Variants in DLGAP1 observed in about 807,000 individuals in gnomAD.
The protein encoded by DLGAP1 is disks large-associated protein 1.
In DLGAP1, 11 loss-of-function variants were observed where a neutral mutation model predicts 90.8. That is an observed-to-expected ratio of 0.12 (90% confidence interval 0.08 to 0.20). The LOEUF is 0.20. Ranked by LOEUF, DLGAP1 falls within the 10% of genes least tolerant of loss-of-function variation. The probability of loss-of-function intolerance (pLI) is 1.00; values close to 1 mark genes in which losing one functional copy is unlikely to be tolerated. For synonymous variants in DLGAP1, 558 were observed against 540.7 expected, an observed-to-expected ratio of 1.03 and a Z score of -0.44; for missense variants, 1,050 against 1,333.8, an observed-to-expected ratio of 0.79 and a Z score of 3.31.
intron 2 of DLGAP1, among the ~76,000 whole-genome samples, chr18:4,069,287 A>C (rs2075412805): frequency 6.6e-6 from 1 of 152,158 alleles, no homozygotes; most frequent in Non-Finnish European, 1.5e-5. Context: ...GAGAGTAAGG[A>C]TGAGAATTGG....
chr18:3,528,195 G>T (rs1287686119), intron 10 of DLGAP1, among the ~76,000 whole-genome samples: 1 of 152,068 alleles, frequency 6.6e-6, no homozygotes, highest in East Asian at 1.9e-4. Context: ...ACATCCCTTG[G>T]CTTGGCCAAG....
At chr18:4,098,063 G>A (rs959956888) in intron 2 of DLGAP1, among the ~76,000 whole-genome samples, 6 of 152,134 alleles carry the variant, frequency 3.9e-5, no homozygotes, top group East Asian at 1.9e-4. Context: ...ACAGGCCCAC[G>A]CCACTATGCC....
intron 1 of DLGAP1, among the ~76,000 whole-genome samples, chr18:4,153,501 G>A (rs959533024): frequency 4.6e-5 from 7 of 152,088 alleles, no homozygotes; most frequent in African/African-American, 1.7e-4. Context: ...CTTACCCCAA[G>A]TGTCCCTCTT....
chr18:4,272,950 G>A (rs2079318694), intron 1 of DLGAP1, among the ~76,000 whole-genome samples: 2 of 152,114 alleles, frequency 1.3e-5, no homozygotes, highest in Non-Finnish European at 2.9e-5. Context: ...ACAAGCCAAG[G>A]CATGAACAGT....
At chr18:4,242,123 C>G (rs2078549138) in intron 1 of DLGAP1, among the ~76,000 whole-genome samples, 1 of 152,084 alleles carries the variant, frequency 6.6e-6, no homozygotes, top group South Asian at 2.1e-4. Flanking sequence ...AAGCCCTCGA[C>G]CTAGTAATGT....
chr18:4,197,434 A>G (rs2077522040), intron 1 of DLGAP1, among the ~76,000 whole-genome samples: 1 of 152,072 alleles, frequency 6.6e-6, no homozygotes, highest in African/African-American at 2.4e-5. Context: ...TGGTAGACAA[A>G]AGAGTTTAGA....
chr18:4,214,505 AC>A (rs1439235641), intron 1 of DLGAP1, among the ~76,000 whole-genome samples: 5 of 152,156 alleles, frequency 3.3e-5, no homozygotes, highest in Admixed American at 6.5e-5. Flanking sequence ...CAAGAAACCC[AC>A]CCTGTTGGAG....
In DLGAP1 at chr18:3,582,298, T is replaced by C. The variant is rs189472671; in HGVS notation, c.1592-50A>G. On this transcript the variant is annotated intron_variant, in intron 7 of 12. Coordinates refer to ENST00000315677, the MANE Select transcript of DLGAP1 (RefSeq NM_004746.4). ...AATGTGATTTCTGCGTGGGTTTTAA[T>C]TTCTGATATTGTAACTGACAGCCAT... The C allele has an allele frequency of 9.7e-4, 1,524 of 1,568,750 alleles. 1 individual carries two copies. The highest frequency in any genetic ancestry group is 1.3e-3 in the Non-Finnish European group (1,467 of 1,159,412).
intron 3 of DLGAP1, among the ~76,000 whole-genome samples, chr18:3,979,414 A>G (rs2073674835): frequency 6.6e-6 from 1 of 151,186 alleles, no homozygotes; most frequent in Admixed American, 6.6e-5. Context: ...ATGTTCACTC[A>G]GTGTTTTCGC....
chr18:4,205,971 CT>C (rs1598618477), intron 1 of DLGAP1, among the ~76,000 whole-genome samples: 1 of 152,108 alleles, frequency 6.6e-6, no homozygotes, highest in African/African-American at 2.4e-5. Context: ...TCACCTGAAA[CT>C]TTAACTATGG....
At chr18:3,690,676 C>T (rs947160797) in intron 7 of DLGAP1, among the ~76,000 whole-genome samples, 10 of 152,176 alleles carry the variant, frequency 6.6e-5, no homozygotes, top group African/African-American at 1.4e-4. Context: ...TTAGTCTTTT[C>T]GCTTCCCTAT....
intron 9 of DLGAP1, among the ~76,000 whole-genome samples, chr18:3,562,252 A>ATATC (rs1418586657): frequency 3.9e-5 from 6 of 151,982 alleles, no homozygotes; most frequent in Non-Finnish European, 1.5e-5. Flanking sequence ...AATAATAATT[A>ATATC]TATCTGTGTG....
At position 4,171,564 on chromosome 18, in the gene DLGAP1, C is replaced by CAA. The variant is rs113484195; in HGVS notation, c.-266-20279_-266-20278dup. ...TGGAAGACAGAGCGAGACTCCATCT[C>CAA]AAAAAAAAAAAAAGAAAAAAAAGAA... On this transcript the variant is annotated intron_variant, in intron 1 of 12. Transcript: ENST00000315677. 4.0e-3 allele frequency among the ~76,000 whole-genome samples: 354 copies of CAA among 87,518 alleles called. 1 individual carries two copies. Among genetic ancestry groups the CAA allele is most frequent in the South Asian group, 0.023 (67 of 2,882 alleles). 57.4% of individuals were successfully genotyped at this position (87,518 alleles called of 152,430 possible).
intron 1 of DLGAP1, among the ~76,000 whole-genome samples, chr18:4,190,958 ATACAT>A (rs1194163468): frequency 1.3e-5 from 2 of 152,172 alleles, no homozygotes; most frequent in Non-Finnish European, 2.9e-5. Context: ...CTTATGTGAA[ATACAT>A]TAAATAAGAA....
At chr18:3,874,134 TAA>T in intron 4 of DLGAP1, 1 of 1,549,750 alleles carries the variant, frequency 6.5e-7, no homozygotes, top group South Asian at 1.2e-5. Flanking sequence ...TACAAAGTAA[TAA>T]AAGAGTTATA....
intron 1 of DLGAP1, among the ~76,000 whole-genome samples, chr18:4,290,818 ACC>A (rs2079828131): frequency 6.6e-6 from 1 of 152,078 alleles, no homozygotes; most frequent in Non-Finnish European, 1.5e-5. Context: ...GAAAAGAAAA[ACC>A]AAACCCACAT....
chr18:4,042,892 T>C (rs1016414201), intron 2 of DLGAP1, among the ~76,000 whole-genome samples: 2 of 152,210 alleles, frequency 1.3e-5, no homozygotes, highest in Non-Finnish European at 2.9e-5. Flanking sequence ...CCAAATACTT[T>C]AAAATATTAA....
At chr18:3,712,551 G>C (rs1464694374) in intron 7 of DLGAP1, among the ~76,000 whole-genome samples, 1 of 152,196 alleles carries the variant, frequency 6.6e-6, no homozygotes, top group Non-Finnish European at 1.5e-5. Context: ...GGGACCCATA[G>C]TGTTATTTTC....
At chr18:3,782,739 T>C (rs964112361) in intron 5 of DLGAP1, among the ~76,000 whole-genome samples, 4 of 152,260 alleles carry the variant, frequency 2.6e-5, no homozygotes, top group African/African-American at 9.6e-5. Context: ...TTCAAACTTA[T>C]ATTTGAATGT....
Sources: allele counts gnomAD v4.1 joint callset (sites outside exome capture counted in the v4.1 genomes callset), GRCh38; gene constraint gnomAD v4.1.1; transcripts MANE v1.5; gene names NCBI Gene and HGNC (gene_info 2026-07-23, HGNC 2026-07-21).